CTNNA3: variants seen among roughly 807,000 people sequenced by gnomAD.
CTNNA3 encodes catenin alpha 3.
In CTNNA3, 76 loss-of-function variants were observed where a neutral mutation model predicts 95.7. The ratio of observed to expected loss-of-function variants is 0.79; its 90% CI spans 0.66 to 0.96. The LOEUF (loss-of-function observed/expected upper bound fraction) is 0.96, where lower values mean the gene tolerates loss of function less well. CTNNA3 is among the 40% of genes least tolerant of loss of function. The pLI, the probability that CTNNA3 is intolerant of heterozygous loss-of-function variation, is 0.00. For missense variants in CTNNA3, 1,191 were observed against 1,089.8 expected (o/e 1.09, Z -1.31); for synonymous variants, 431 against 374.4 (o/e 1.15, Z -1.74).
At chr10:66,856,607 G>T (rs1410918656) in intron 7 of CTNNA3, among the ~76,000 whole-genome samples, 48 of 152,008 alleles carry the variant, frequency 3.2e-4, no homozygotes, top group Admixed American at 3.2e-3. Flanking sequence ...CATTCTGACT[G>T]GTATGAGATG....
At chr10:67,405,114 T>A (rs1294852973) in intron 5 of CTNNA3, among the ~76,000 whole-genome samples, 1 of 152,150 alleles carries the variant, frequency 6.6e-6, no homozygotes, top group Admixed American at 6.5e-5. Flanking sequence ...TACACTGAAG[T>A]ATACAGACCA....
intron 7 of CTNNA3, among the ~76,000 whole-genome samples, chr10:67,049,221 G>A (rs1341757829): frequency 6.6e-6 from 1 of 151,836 alleles, no homozygotes; most frequent in Non-Finnish European, 1.5e-5. Flanking sequence ...CAGGAGGCAG[G>A]GTCAGTTATT....
At chr10:66,475,045 C>A (rs1839274218) in intron 11 of CTNNA3, among the ~76,000 whole-genome samples, 1 of 151,902 alleles carries the variant, frequency 6.6e-6, no homozygotes, top group Admixed American at 6.6e-5. Flanking sequence ...ACTATTTCCA[C>A]TGCTGTAGAA....
intron 1 of CTNNA3, among the ~76,000 whole-genome samples, chr10:67,704,197 C>A (rs1841062714): frequency 6.6e-6 from 1 of 152,194 alleles, no homozygotes; most frequent in South Asian, 2.1e-4. Context: ...AATGGCCATA[C>A]TGCCCAAGGT....
chr10:66,969,059 A>C (rs1226131831), intron 7 of CTNNA3, among the ~76,000 whole-genome samples: 1 of 151,990 alleles, frequency 6.6e-6, no homozygotes, highest in Non-Finnish European at 1.5e-5. Context: ...GTAAATATAT[A>C]TATTTACTTT....
intron 7 of CTNNA3, among the ~76,000 whole-genome samples, chr10:66,922,554 T>A (rs978550693): frequency 5.3e-5 from 8 of 152,168 alleles, no homozygotes; most frequent in Non-Finnish European, 8.8e-5. Flanking sequence ...CAATTTATTA[T>A]CCTGAACCAG....
chr10:67,172,566 T>C (rs950956324), intron 7 of CTNNA3, among the ~76,000 whole-genome samples: 2 of 152,130 alleles, frequency 1.3e-5, no homozygotes, highest in East Asian at 3.9e-4. Context: ...ACACACACTA[T>C]AGTCATATAG....
upstream of CTNNA3, among the ~76,000 whole-genome samples, chr10:67,699,393 C>T (rs1841015468): frequency 6.6e-6 from 1 of 152,188 alleles, no homozygotes; most frequent in South Asian, 2.1e-4. Flanking sequence ...AGTCTATCAA[C>T]AACCTCCAGG....
intron 9 of CTNNA3, among the ~76,000 whole-genome samples, chr10:66,681,112 A>T (rs910470033): frequency 6.6e-6 from 1 of 152,218 alleles, no homozygotes; most frequent in Non-Finnish European, 1.5e-5. Flanking sequence ...ATTTGGATGC[A>T]TATTTATTGA....
intron 1 of CTNNA3, among the ~76,000 whole-genome samples, chr10:67,663,692 T>G (rs904678829): frequency 1.3e-5 from 2 of 152,206 alleles, no homozygotes; most frequent in Non-Finnish European, 2.9e-5. Flanking sequence ...TTATTGACCT[T>G]ACTTTTAACA....
intron 6 of CTNNA3, among the ~76,000 whole-genome samples, chr10:67,190,029 G>A (rs569921137): frequency 5.3e-5 from 8 of 152,256 alleles, no homozygotes; most frequent in South Asian, 2.1e-4. Context: ...TGTAGTTTAC[G>A]TAGGCATTGC....
intron 7 of CTNNA3, among the ~76,000 whole-genome samples, chr10:66,819,115 AG>A (rs1842206670): frequency 6.7e-6 from 1 of 149,630 alleles, no homozygotes; most frequent in South Asian, 2.1e-4. Flanking sequence ...AAAAAAAAAA[AG>A]GTTGGAGTAG....
intron 7 of CTNNA3, among the ~76,000 whole-genome samples, chr10:66,777,801 A>ATG (rs1316980339): frequency 2.9e-4 from 41 of 142,094 alleles, no homozygotes; most frequent in East Asian, 1.9e-3. Context: ...ACACACATGC[A>ATG]CACACACACA....
intron 7 of CTNNA3, among the ~76,000 whole-genome samples, chr10:67,115,226 A>C (rs1174627418): frequency 2.0e-5 from 3 of 152,112 alleles, no homozygotes. Context: ...GACGACTATA[A>C]TCACCCAGGT....
intron 12 of CTNNA3, among the ~76,000 whole-genome samples, chr10:66,298,991 G>A (rs778897868): frequency 1.8e-4 from 27 of 152,066 alleles, no homozygotes; most frequent in East Asian, 1.2e-3. Context: ...AGATAAATGC[G>A]TATCTGATTG....
At chr10:66,607,521 C>T (rs573608649) in intron 10 of CTNNA3, among the ~76,000 whole-genome samples, 77 of 144,542 alleles carry the variant, frequency 5.3e-4, no homozygotes, top group Non-Finnish European at 8.3e-4. Flanking sequence ...AAACTTCAGG[C>T]CAATGTCTTT....
chr10:66,379,555 A>G (rs2132489846), intron 11 of CTNNA3, among the ~76,000 whole-genome samples: 1 of 152,272 alleles, frequency 6.6e-6, no homozygotes, highest in African/African-American at 2.4e-5. Context: ...GAAATATAAC[A>G]TGTTACATTT....
At chr10:66,381,403 T>A (rs182082928) in intron 11 of CTNNA3, among the ~76,000 whole-genome samples, 1 of 152,326 alleles carries the variant, frequency 6.6e-6, no homozygotes, top group African/African-American at 2.4e-5. Flanking sequence ...CAATTAGAGA[T>A]TCTACCTGTG....
chr10:66,738,861 G>A (rs988916146), intron 9 of CTNNA3, among the ~76,000 whole-genome samples: 10 of 152,112 alleles, frequency 6.6e-5, no homozygotes, highest in Middle Eastern at 6.8e-3. Context: ...TCTATTTCCC[G>A]CACTACTGGT....
Sources: gnomAD v4.1 joint callset for allele counts (sites outside exome capture counted in the v4.1 genomes callset) on GRCh38, gnomAD v4.1.1 for gene constraint, MANE v1.5 for transcripts, NCBI Gene and HGNC (gene_info 2026-07-23, HGNC 2026-07-21) for gene names.